ARVCF: variants seen among roughly 807,000 people sequenced by gnomAD.
The protein encoded by ARVCF is splicing regulator ARVCF.
Under a neutral mutation model 90.9 loss-of-function variants are expected in ARVCF, and 66 were observed. That is an observed-to-expected ratio of 0.73 (90% CI 0.60 to 0.89). The LOEUF is 0.89. Among genes scored for constraint, ARVCF ranks in the 40% least tolerant of loss-of-function variants. The pLI is 0.00. For synonymous variants in ARVCF, 653 were observed against 603.4 expected, an observed-to-expected ratio of 1.08 and a Z score of -1.21; for missense variants, 1,469 against 1,382.3, an observed-to-expected ratio of 1.06 and a Z score of -1.00.
Position 19,974,185 on chromosome 22 carries a change from G to A in ARVCF, c.2015C>T (p.Thr672Met), listed in dbSNP as rs1432233669. 1.7e-5 allele frequency: 27 copies of A among 1,612,796 alleles called. No individual in the cohort carries two copies. The highest frequency in any genetic ancestry group is 2.3e-5 in the Non-Finnish European group (27 of 1,179,842). Residue 672 changes from threonine to methionine, a missense_variant, in exon 12 of 20, where the codon ACG becomes ATG. Coordinates refer to ENST00000263207, the MANE Select transcript of ARVCF (RefSeq NM_001670.3). ...EVVRLYLSLLTESRNFNTLEA... is the reference protein window; with the variant it reads ...EVVRLYLSLLMESRNFNTLEA... ...CAGGGTGTTGAAGTTCCGGCTCTCC[G>A]TGAGGAGGGAGAGGTAGAGACGTAC... is the stretch of plus-strand genomic sequence containing the variant.
chr22:19,975,830 A>G (rs1943123928), intron 10 of ARVCF, 73 bp from the exon 11 acceptor site: 1 of 1,513,528 alleles, frequency 6.6e-7, no homozygotes, highest in Non-Finnish European at 9.1e-7. Context: ...AGTTGGGCAC[A>G]GTTCTCTCCT....
intron 17 of ARVCF, 80 bp from the exon 18 acceptor site, chr22:19,972,051 A>T (rs970897948): frequency 7.4e-7 from 1 of 1,348,042 alleles, no homozygotes. Context: ...CAGCCCAGAC[A>T]CAGGGGACTC....
intron 14 of ARVCF, 26 bp from the exon 15 acceptor site, chr22:19,973,062 G>A (rs772400811): frequency 3.1e-6 from 5 of 1,610,610 alleles, no homozygotes; most frequent in Admixed American, 3.3e-5. Context: ...CGGGGTCAGT[G>A]GTGGCCCCTC....
chr22:19,970,904 C>G (rs949936330), intron 19 of ARVCF, among the ~76,000 whole-genome samples, 161 bp from the exon 20 acceptor site: 1 of 152,184 alleles, frequency 6.6e-6, no homozygotes, highest in Admixed American at 6.5e-5. Flanking sequence ...GGTCTTGGCA[C>G]CAGGGCTGAT....
chr22:19,991,077 G>A (rs1050726048), intron 2 of ARVCF, among the ~76,000 whole-genome samples: 2 of 152,250 alleles, frequency 1.3e-5, no homozygotes, highest in Non-Finnish European at 2.9e-5. Flanking sequence ...AACATGGGCC[G>A]TGGGCGGCTT....
intron 8 of ARVCF, 38 bp from the exon 9 acceptor site, chr22:19,977,624 A>G (rs751876662): frequency 6.7e-7 from 1 of 1,493,372 alleles, no homozygotes; most frequent in Non-Finnish European, 8.9e-7. Context: ...AGGGCACCCT[A>G]GGCACAGGGC....
intron 13 of ARVCF, 47 bp from the exon 14 acceptor site, chr22:19,973,364 C>T (rs1290515699): frequency 6.5e-7 from 1 of 1,534,786 alleles, no homozygotes; most frequent in East Asian, 2.4e-5. Flanking sequence ...CCCCACCTCT[C>T]CAGGAAGGAG....
chr22:19,996,595 C>T (rs1335134287), intron 2 of ARVCF, among the ~76,000 whole-genome samples: 1 of 152,190 alleles, frequency 6.6e-6, no homozygotes, highest in Non-Finnish European at 1.5e-5. Flanking sequence ...CATACAACAA[C>T]AAAGTGGCAT....
rs773133308 is a variant in ARVCF at position 19,982,104 on chromosome 22, G to C, written c.211-13C>G. The C allele has an allele frequency of 6.2e-7, 1 of 1,609,354 alleles. No homozygotes were observed. The highest frequency in any genetic ancestry group is 1.1e-5 in the South Asian group (1 of 91,026). On this transcript the variant is annotated splice_polypyrimidine_tract_variant and intron_variant, in intron 3 of 19. Transcript: ENST00000263207. ...CTGGGCTCTGCTCCTGGGGCAAGGAGGGACATTGGTGGGCAGGCCTGCTGC... is the reference window on the plus strand; with the variant it reads ...CTGGGCTCTGCTCCTGGGGCAAGGACGGACATTGGTGGGCAGGCCTGCTGC...
At chr22:20,012,085 C>CCT (rs1555954529) in intron 1 of ARVCF, among the ~76,000 whole-genome samples, 1 of 140,532 alleles carries the variant, frequency 7.1e-6, no homozygotes, top group Non-Finnish European at 1.6e-5. Flanking sequence ...AAAGTCCCCC[C>CCT]CCCCCACCCA....
rs1944582649 is a variant in ARVCF, at chr22:20,005,357, T to TA, written c.-19+5097_-19+5098insT. On this transcript the variant is annotated intron_variant, in intron 2 of 19. Transcript: ENST00000263207. ...GCAATGAAATATCACCTTACACCTA[T>TA]TAGGATGGCTAGTCTAAAAAAAAAA... Among the ~76,000 whole-genome samples, 3 of 149,758 alleles carry TA rather than the reference T, an allele frequency of 2.0e-5. No individual in the cohort carries two copies. In the South Asian group the frequency reaches 6.5e-4, roughly 32 times the overall value.
At chr22:19,967,092 C>T, downstream of ARVCF, 2 of 1,245,618 alleles carry the variant, frequency 1.6e-6, no homozygotes, top group Non-Finnish European at 2.1e-6. Context: ...GGAGTGGGCC[C>T]CTGGCAGCCT....
downstream of ARVCF, chr22:19,968,677 G>C (rs768651434): frequency 1.2e-5 from 20 of 1,613,836 alleles, 2 homozygotes; most frequent in South Asian, 2.1e-4. Flanking sequence ...ATACAGGGAG[G>C]TGGTGGACGG....
chr22:20,005,214 A>G (rs1012644878), intron 2 of ARVCF, among the ~76,000 whole-genome samples: 2 of 152,172 alleles, frequency 1.3e-5, no homozygotes, highest in Non-Finnish European at 2.9e-5. Context: ...AAATAACCCA[A>G]TTTAAAAATG....
At chr22:19,988,291 G>A (rs1255787627) in intron 3 of ARVCF, among the ~76,000 whole-genome samples, 3 of 152,224 alleles carry the variant, frequency 2.0e-5, no homozygotes, top group Non-Finnish European at 2.9e-5. Flanking sequence ...CTGGACCCCT[G>A]TATCTTGCAT....
intron 3 of ARVCF, among the ~76,000 whole-genome samples, chr22:19,986,182 T>A (rs1358203652): frequency 6.6e-6 from 1 of 152,060 alleles, no homozygotes; most frequent in Middle Eastern, 3.2e-3. Flanking sequence ...CAGCTTGGGG[T>A]CATCAGACAC....
At chr22:19,991,726 C>T (rs1490497764) in intron 2 of ARVCF, among the ~76,000 whole-genome samples, 2 of 145,254 alleles carry the variant, frequency 1.4e-5, no homozygotes, top group African/African-American at 5.7e-5. Flanking sequence ...TCCCAGCTTG[C>T]CCCCTGGCTG....
intron 2 of ARVCF, among the ~76,000 whole-genome samples, chr22:20,008,181 T>C (rs760288623): frequency 1.1e-4 from 17 of 151,948 alleles, no homozygotes; most frequent in Non-Finnish European, 2.4e-4. Context: ...GAGAAACACA[T>C]CAAAACCCAA....
intron 9 of ARVCF, 144 bp downstream of exon 9, chr22:19,977,271 G>A: frequency 8.7e-7 from 1 of 1,154,880 alleles, no homozygotes; most frequent in East Asian, 2.8e-5. Flanking sequence ...CAGCCTCCTT[G>A]ACTCCTGGCT....
Sources: allele counts gnomAD v4.1 joint callset (sites outside exome capture counted in the v4.1 genomes callset), GRCh38; gene constraint gnomAD v4.1.1; transcripts MANE v1.5; gene names NCBI Gene and HGNC (gene_info 2026-07-23, HGNC 2026-07-21).